Variants in ZNF124 observed in about 807,000 individuals in gnomAD.
ZNF124 encodes the protein zinc finger protein HZF-16.
A neutral mutation model predicts 26.6 loss-of-function variants in ZNF124; 25 were observed. The ratio of observed to expected loss-of-function variants is 0.94; its 90% CI spans 0.68 to 1.31. The LOEUF is 1.31. ZNF124 is among the 40% of genes most tolerant of loss of function. ZNF124 has a pLI of 0.00. For missense variants in ZNF124, 444 were observed against 422.2 expected, an observed-to-expected ratio of 1.05 and a Z score of -0.45; for synonymous variants, 129 against 133.3, an observed-to-expected ratio of 0.97 and a Z score of 0.22.
intron 3 of ZNF124, among the ~76,000 whole-genome samples, chr1:247,132,946 C>G (rs991121903): frequency 6.6e-6 from 1 of 152,190 alleles, no homozygotes; most frequent in African/African-American, 2.4e-5. Flanking sequence ...AAGTTCCCAG[C>G]TGAATAAAGC....
intron 3 of ZNF124, among the ~76,000 whole-genome samples, chr1:247,126,263 T>G: frequency 7.7e-6 from 1 of 129,418 alleles, no homozygotes; most frequent in East Asian, 2.2e-4. Flanking sequence ...AGAAGAGCTG[T>G]AGCCAGAACG....
chr1:247,144,723 G>A (rs1672717464), intron 3 of ZNF124, among the ~76,000 whole-genome samples: 1 of 152,084 alleles, frequency 6.6e-6, no homozygotes, highest in East Asian at 1.9e-4. Flanking sequence ...CCCTAGTCTA[G>A]TACAAACTAA....
rs114946919 is a variant in ZNF124 at position 247,159,307 on chromosome 1, C to A, written c.158-241G>T. Among the ~76,000 whole-genome samples the A allele has an allele frequency of 5.0e-3, 767 of 152,214 alleles. 9 individuals carry two copies. The highest frequency in any genetic ancestry group is 0.018 in the African/African-American group (735 of 41,532). On this transcript the variant is annotated intron_variant, in intron 2 of 3. Coordinates refer to ENST00000543802, the MANE Select transcript of ZNF124 (RefSeq NM_001297568.2). Reference sequence around the variant, plus strand: ...CAAGACTGAATTAGTTGCCAGAGGGCAGGTTGTTATAAAAGCAAGTTTAGC... The same window carrying A: ...CAAGACTGAATTAGTTGCCAGAGGGAAGGTTGTTATAAAAGCAAGTTTAGC...
At chr1:247,165,756 GACATGAAC>G (rs1673743878) in intron 1 of ZNF124, among the ~76,000 whole-genome samples, 1 of 152,096 alleles carries the variant, frequency 6.6e-6, no homozygotes, top group Admixed American at 6.5e-5. Context: ...GTGGGCAAAG[GACATGAAC>G]ACTTTTCAAA....
At chr1:247,169,701 C>T (rs1673986869) in intron 1 of ZNF124, among the ~76,000 whole-genome samples, 1 of 149,240 alleles carries the variant, frequency 6.7e-6, no homozygotes, top group South Asian at 2.1e-4. Flanking sequence ...GTTCTCCCTT[C>T]ACAAGCATGA....
Position 247,168,083 on chromosome 1 carries a change from G to T in ZNF124, c.30+3765C>A, listed in dbSNP as rs1237845575. 6.6e-6 allele frequency among the ~76,000 whole-genome samples: 1 copy of T among 152,134 alleles called. No individual in the cohort carries two copies. Among genetic ancestry groups the T allele is most frequent in the Non-Finnish European group, 1.5e-5 (1 of 68,024 alleles). Reference sequence around the variant, plus strand: ...ATGCTGGTGTGGATGTGGTGAACAGGGAACACTTCTACACTGCTGATGGGA... The same window carrying T: ...ATGCTGGTGTGGATGTGGTGAACAGTGAACACTTCTACACTGCTGATGGGA... On this transcript the variant is annotated intron_variant, in intron 1 of 3. Transcript: ENST00000543802. This position sits in a 1 kb window ranked among gnomAD's most constrained non-coding sequence, Gnocchi z 4.0.
At chr1:247,166,897 G>A (rs1673809891) in intron 1 of ZNF124, among the ~76,000 whole-genome samples, 1 of 152,034 alleles carries the variant, frequency 6.6e-6, no homozygotes, top group African/African-American at 2.4e-5. Context: ...CCTCACTTAA[G>A]TACTCACAAG....
At position 247,168,578 on chromosome 1, in the gene ZNF124, CAGT is replaced by C. The variant is rs1311187582; in HGVS notation, c.30+3267_30+3269del. On this transcript the variant is annotated intron_variant, in intron 1 of 3. Transcript: ENST00000543802. This position sits in a 1 kb window ranked among gnomAD's most constrained non-coding sequence, Gnocchi z 4.0. ...AAAAACACTTGCACACGCATGTTAA[CAGT>C]AGCACAATTTGCCACTGCAAAAATA... Among the ~76,000 whole-genome samples the C allele has an allele frequency of 5.9e-5, 9 of 152,258 alleles. No individual in the cohort carries two copies. In the South Asian group the frequency reaches 1.0e-3, roughly 18 times the overall value.
chr1:247,130,485 TTC>T (rs1672321363), intron 3 of ZNF124, among the ~76,000 whole-genome samples: 2 of 152,234 alleles, frequency 1.3e-5, no homozygotes, highest in Admixed American at 1.3e-4. Context: ...CGAGCGGAGA[TTC>T]TGTGACAGTG....
At chr1:247,139,188 C>T (rs771891066) in intron 3 of ZNF124, among the ~76,000 whole-genome samples, 8 of 152,216 alleles carry the variant, frequency 5.3e-5, no homozygotes, top group Non-Finnish European at 7.3e-5. Flanking sequence ...GTCATGGATG[C>T]GTGTCCTCAA....
At chr1:247,167,961 C>T (rs1673875169) in intron 1 of ZNF124, among the ~76,000 whole-genome samples, 1 of 152,140 alleles carries the variant, frequency 6.6e-6, no homozygotes, top group Non-Finnish European at 1.5e-5. Flanking sequence ...TGCTCAACAT[C>T]ACTATCAGGG....
At chr1:247,158,367 G>A (rs1350668496) in intron 3 of ZNF124, among the ~76,000 whole-genome samples, 2 of 152,022 alleles carry the variant, frequency 1.3e-5, no homozygotes, top group Non-Finnish European at 2.9e-5. Context: ...GCCATGACTG[G>A]AAGCTCTCTG....
chr1:247,147,002 T>C (rs915097503), intron 3 of ZNF124, among the ~76,000 whole-genome samples: 5 of 152,114 alleles, frequency 3.3e-5, no homozygotes, highest in Non-Finnish European at 7.4e-5. Context: ...TCATGGGTCA[T>C]ATGTGCAAAT....
intron 3 of ZNF124, among the ~76,000 whole-genome samples, chr1:247,158,698 C>T (rs529122531): frequency 2.0e-5 from 3 of 151,984 alleles, no homozygotes; most frequent in South Asian, 2.1e-4. Flanking sequence ...GGCACAACCT[C>T]AGCTCATTGC....
intron 3 of ZNF124, among the ~76,000 whole-genome samples, chr1:247,148,312 G>C (rs974968331): frequency 6.6e-6 from 1 of 152,144 alleles, no homozygotes; most frequent in Admixed American, 6.5e-5. Flanking sequence ...CCCTGGCCAG[G>C]TCTGTGAAGA....
chr1:247,149,684 G>A (rs1672876568), intron 3 of ZNF124, among the ~76,000 whole-genome samples: 1 of 152,166 alleles, frequency 6.6e-6, no homozygotes, highest in Non-Finnish European at 1.5e-5. Context: ...CAGAAGGTAG[G>A]GGAAATGGGG....
At chr1:247,163,158 G>A (rs1489047085) in intron 1 of ZNF124, among the ~76,000 whole-genome samples, 1 of 152,132 alleles carries the variant, frequency 6.6e-6, no homozygotes, top group African/African-American at 2.4e-5. Flanking sequence ...GCAGTGTTAA[G>A]AGGAAATTTT....
At chr1:247,143,208 G>A (rs1035463289) in intron 3 of ZNF124, among the ~76,000 whole-genome samples, 1 of 151,886 alleles carries the variant, frequency 6.6e-6, no homozygotes, top group Non-Finnish European at 1.5e-5. Context: ...TTTGAAACCA[G>A]GACATGCCTT....
At chr1:247,154,341 C>T (rs1673030363), downstream of ZNF124, among the ~76,000 whole-genome samples, 1 of 152,102 alleles carries the variant, frequency 6.6e-6, no homozygotes, top group Admixed American at 6.6e-5. Flanking sequence ...CTTCCTGCCA[C>T]CTTGTGAATT....
Sources: gnomAD v4.1 joint callset for allele counts (sites outside exome capture counted in the v4.1 genomes callset) on GRCh38, gnomAD v4.1.1 for gene constraint, Gnocchi (gnomAD v3.1) non-coding constraint, MANE v1.5 for transcripts, NCBI Gene and HGNC (gene_info 2026-07-23, HGNC 2026-07-21) for gene names.